The following SMARCA5 variants were observed in gnomAD, a reference collection of about 807,000 sequenced individuals.
SMARCA5 encodes the protein SWI/SNF-related matrix-associated actin-dependent regulator of chromatin subfamily A member 5.
In SMARCA5, 18 loss-of-function variants were observed where a neutral mutation model predicts 140.4. That is an observed-to-expected ratio of 0.13 (90% confidence interval 0.09 to 0.19). SMARCA5 has a LOEUF of 0.19. Ranked by LOEUF, SMARCA5 falls within the 10% of genes least tolerant of loss-of-function variation. The pLI is 1.00. For missense variants in SMARCA5, 606 were observed against 1,276.8 expected (o/e 0.47, Z 8.01); for synonymous variants, 449 against 419.6 (o/e 1.07, Z -0.86).
Position 143,528,023 on chromosome 4 carries a change from G to T in SMARCA5, c.957G>T (p.Lys319Asn). 6.4e-7 allele frequency: 1 copy of T among 1,554,664 alleles called. No homozygotes were observed. The highest frequency in any genetic ancestry group is 1.2e-5 in the South Asian group (1 of 81,220). Residue 319 changes from lysine (K) to asparagine (N), a missense_variant and splice_region_variant, in exon 7 of 24, where the codon AAG becomes AAT. By Grantham distance (94) the Lys-to-Asn change is moderately conservative (BLOSUM62 0). This residue lies in a region of SMARCA5 where 110 missense variants were observed against 287.7 expected (regional missense o/e 0.38). Transcript: ENST00000283131. ...EAHRIKNEKS[K>N]LSEIVREFKT... is the part of the protein sequence containing the mutation. The stretch of plus-strand genomic sequence containing the variant: ...ACAGGATCAAAAATGAAAAATCTAA[G>T]GTAATTTGATACTTAGATGTGAAAA...
In SMARCA5 at chr4:143,556,730, A is replaced by G. The variant is rs1373126213; in HGVS notation, c.*3546A>G. On this transcript the variant is annotated 3_prime_UTR_variant, in exon 24 of 24. Coordinates refer to ENST00000283131, the MANE Select transcript of SMARCA5 (RefSeq NM_003601.4). ...CCTCAGATGACAGATAATGGGCAAA[A>G]TACATTCTTGGTGTGGAGCAGTGCT... 6.6e-6 allele frequency: 1 copy of G among 152,224 alleles called. No individual in the cohort carries two copies. The highest frequency in any genetic ancestry group is 2.4e-5 in the African/African-American group (1 of 41,462). The allele number at this position is 152,224 out of a possible 1,614,324, so 9.4% of individuals were successfully genotyped here.
intron 20 of SMARCA5, 76 bp from the exon 21 acceptor site, chr4:143,547,309 T>G (rs1340339182): frequency 9.2e-6 from 7 of 759,472 alleles, no homozygotes; most frequent in Non-Finnish European, 6.7e-6. Flanking sequence ...AGATAAATAA[T>G]CCAGTTGATC....
chr4:143,516,111 C>T (rs1243163879), intron 1 of SMARCA5, among the ~76,000 whole-genome samples: 2 of 151,400 alleles, frequency 1.3e-5, no homozygotes, highest in African/African-American at 4.9e-5. Flanking sequence ...ATCTGTTTTG[C>T]ACTTGGAAAA....
intron 3 of SMARCA5, among the ~76,000 whole-genome samples, chr4:143,522,109 C>G (rs921158737): frequency 6.6e-6 from 1 of 152,088 alleles, no homozygotes; most frequent in East Asian, 1.9e-4. Flanking sequence ...TGGGTGTGCT[C>G]TAGGCTCCTC....
intron 2 of SMARCA5, 104 bp from the exon 3 acceptor site, chr4:143,521,323 CTT>C (rs77498203): frequency 4.9e-4 from 284 of 584,054 alleles, no homozygotes; most frequent in South Asian, 7.7e-4. Context: ...CTGTAGTTCT[CTT>C]TTTTTTTTTG....
At position 143,556,637 on chromosome 4, in the gene SMARCA5, A is replaced by G. The variant is rs1260982646; in HGVS notation, c.*3453A>G. Reference sequence around the variant, plus strand: ...AAATATATACATATTTTGTATATGTACATAGCTGTTACCAAAATGTATCTT... The same window carrying G: ...AAATATATACATATTTTGTATATGTGCATAGCTGTTACCAAAATGTATCTT... On this transcript the variant is annotated 3_prime_UTR_variant, in exon 24 of 24. Coordinates refer to ENST00000283131, the MANE Select transcript of SMARCA5 (RefSeq NM_003601.4). The G allele has an allele frequency of 1.3e-5, 2 of 152,358 alleles. No homozygotes were observed. Among genetic ancestry groups the G allele is most frequent in the East Asian group, 3.9e-4 (2 of 5,184 alleles). The allele number at this position is 152,358 out of a possible 1,614,324, so 9.4% of individuals were successfully genotyped here.
chr4:143,556,611 A>G lies in SMARCA5; in HGVS notation c.*3427A>G, dbSNP rs1400976815. The G allele has an allele frequency of 6.6e-6, 1 of 152,224 alleles. No individual in the cohort carries two copies. Among genetic ancestry groups the G allele is most frequent in the East Asian group, 1.9e-4 (1 of 5,194 alleles). 9.4% of individuals were successfully genotyped at this position (152,224 alleles called of 1,614,324 possible). On this transcript the variant is annotated 3_prime_UTR_variant, in exon 24 of 24. Transcript: ENST00000283131. ...ATGTATTAACGGAGTAGCTGTTACC[A>G]AAATATATACATATTTTGTATATGT... is the stretch of plus-strand genomic sequence containing the variant.
At chr4:143,523,407 C>T (rs1737003898) in intron 3 of SMARCA5, among the ~76,000 whole-genome samples, 1 of 151,982 alleles carries the variant, frequency 6.6e-6, no homozygotes, top group Admixed American at 6.6e-5. Context: ...TTAAGTTTTA[C>T]AACTGTAATA....
Position 143,556,041 on chromosome 4 carries a change from C to T in SMARCA5, c.*2857C>T, listed in dbSNP as rs1050299598. 2 of 152,180 alleles carry T rather than the reference C, an allele frequency of 1.3e-5. No individual in the cohort carries two copies. The highest frequency in any genetic ancestry group is 4.8e-5 in the African/African-American group (2 of 41,442). 9.4% of individuals were successfully genotyped at this position (152,180 alleles called of 1,614,324 possible). On this transcript the variant is annotated 3_prime_UTR_variant, in exon 24 of 24. Coordinates refer to ENST00000283131, the MANE Select transcript of SMARCA5 (RefSeq NM_003601.4). ...TCCTAAGCATAGAGTACAAGTTGAG[C>T]ATCCCTAATCAAAAAATCTAAAATC...
Position 143,544,859 on chromosome 4 carries a change from GAC to G in SMARCA5, c.2283+16_2283+17del. Reference sequence around the variant, plus strand: ...CTAAAGCACCCAAGGTGAGTTGACTGACACAGCATAAAAATATCTAAAAATTT... The same window carrying G: ...CTAAAGCACCCAAGGTGAGTTGACTGACAGCATAAAAATATCTAAAAATTT... On this transcript the variant is annotated intron_variant, in intron 17 of 23. Transcript: ENST00000283131. 1 of 1,367,792 alleles carries G rather than the reference GAC, an allele frequency of 7.3e-7. No individual in the cohort carries two copies. The highest frequency in any genetic ancestry group is 1.0e-6 in the Non-Finnish European group (1 of 971,998). The allele number at this position is 1,367,792 out of a possible 1,614,324, so 84.7% of individuals were successfully genotyped here. A position where few individuals can be genotyped will look rare whatever the true frequency, so the allele number is the denominator to read the frequency against.
intron 9 of SMARCA5, among the ~76,000 whole-genome samples, chr4:143,534,152 CGTT>C (rs945992737): frequency 7.3e-5 from 11 of 151,414 alleles, no homozygotes; most frequent in African/African-American, 1.9e-4. Flanking sequence ...AAGGTGTGTA[CGTT>C]GTTTTTTTTT....
chr4:143,550,807 GT>G (rs1431391015), intron 23 of SMARCA5, among the ~76,000 whole-genome samples: 1 of 152,028 alleles, frequency 6.6e-6, no homozygotes, highest in East Asian at 1.9e-4. Flanking sequence ...TACATACCAT[GT>G]TTTCTTTATC....
intron 8 of SMARCA5, among the ~76,000 whole-genome samples, 162 bp downstream of exon 8, chr4:143,528,876 C>T (rs745573099): frequency 2.6e-5 from 4 of 152,050 alleles, no homozygotes; most frequent in South Asian, 4.2e-4. Context: ...TAGGTTGTCT[C>T]TGTATAATGG....
intron 1 of SMARCA5, among the ~76,000 whole-genome samples, chr4:143,515,060 C>T (rs959177338): frequency 5.3e-5 from 8 of 152,072 alleles, no homozygotes; most frequent in African/African-American, 1.4e-4. Flanking sequence ...GGCCTTCGAC[C>T]TGTTTTGAGA....
chr4:143,524,232 A>G, intron 3 of SMARCA5, 135 bp from the exon 4 acceptor site: 2 of 529,150 alleles, frequency 3.8e-6, no homozygotes, highest in Non-Finnish European at 3.4e-6. Context: ...CATATTTTCT[A>G]CTGTCCACTG....
chr4:143,514,827 G>T (rs1285066302), intron 1 of SMARCA5, among the ~76,000 whole-genome samples: 1 of 152,094 alleles, frequency 6.6e-6, no homozygotes, highest in Non-Finnish European at 1.5e-5. Context: ...CAGTTGGTTG[G>T]CTCTCAGTCC....
Position 143,553,296 on chromosome 4 carries a change from G to T in SMARCA5, c.*112G>T, listed in dbSNP as rs538982020. 1.2e-4 allele frequency: 85 copies of T among 735,284 alleles called. 3 individuals carry two copies. In the South Asian group the frequency reaches 1.4e-3, roughly 12 times the overall value. 45.5% of individuals were successfully genotyped at this position (735,284 alleles called of 1,614,324 possible). ...TTGTTATGTCATTTAAAGACATCAGGTTCATCTGTTTACTGAGCTAGAAAC... is the reference window on the plus strand; with the variant it reads ...TTGTTATGTCATTTAAAGACATCAGTTTCATCTGTTTACTGAGCTAGAAAC... On this transcript the variant is annotated 3_prime_UTR_variant, in exon 24 of 24. Transcript: ENST00000283131.
In SMARCA5 at chr4:143,555,020, G is replaced by T. The variant is rs1737718703; in HGVS notation, c.*1836G>T. ...CAAGTTCACAAATCTGTTTTAACCT[G>T]TCACTTCCCTGTCACTTCTCTGGCT... On this transcript the variant is annotated 3_prime_UTR_variant, in exon 24 of 24. Coordinates refer to ENST00000283131, the MANE Select transcript of SMARCA5 (RefSeq NM_003601.4). The T allele has an allele frequency of 5.9e-6, 3 of 512,310 alleles. No individual in the cohort carries two copies. Among genetic ancestry groups the T allele is most frequent in the Admixed American group, 2.3e-5 (1 of 43,082 alleles). The allele number at this position is 512,310 out of a possible 1,614,324, so 31.7% of individuals were successfully genotyped here.
chr4:143,525,325 A>C, intron 4 of SMARCA5, 126 bp from the exon 5 acceptor site: 1 of 660,712 alleles, frequency 1.5e-6, no homozygotes, highest in Non-Finnish European at 2.7e-6. Flanking sequence ...TGGAACTTGC[A>C]GAGTTCCTAT....
Sources: gnomAD v4.1 joint callset for allele counts (sites outside exome capture counted in the v4.1 genomes callset) on GRCh38, gnomAD v4.1.1 for gene constraint, gnomAD v4.1.1 regional missense constraint, MANE v1.5 for transcripts, NCBI Gene and HGNC (gene_info 2026-07-23, HGNC 2026-07-21) for gene names.